The following LRBA variants were observed in gnomAD, a reference collection of about 807,000 sequenced individuals.
The protein encoded by LRBA is lipopolysaccharide-responsive and beige-like anchor protein.
LRBA carries 176 observed loss-of-function variants against 330.0 expected under a neutral mutation model. That is an observed-to-expected ratio of 0.53 (90% CI 0.47 to 0.60). LRBA has a LOEUF of 0.60. Ranked by LOEUF, LRBA falls within the 20% of genes least tolerant of loss-of-function variation. The pLI, the probability that LRBA is intolerant of heterozygous loss-of-function variation, is 0.00. For missense variants in LRBA, 3,259 were observed against 3,444.8 expected (o/e 0.95, Z 1.35); for synonymous variants, 1,230 against 1,193.0 (o/e 1.03, Z -0.64).
intron 51 of LRBA, among the ~76,000 whole-genome samples, chr4:150,314,524 T>C (rs1731471228): frequency 6.6e-6 from 1 of 152,132 alleles, no homozygotes; most frequent in Non-Finnish European, 1.5e-5. Flanking sequence ...GGTAACTATA[T>C]AAAGGGAACA....
chr4:150,530,716 C>G (rs2152199109), intron 40 of LRBA, among the ~76,000 whole-genome samples: 1 of 152,298 alleles, frequency 6.6e-6, no homozygotes, highest in Non-Finnish European at 1.5e-5. Context: ...ACTGGAATTC[C>G]TGTTTCAGCA....
At chr4:150,873,908 G>A (rs552022016) in intron 17 of LRBA, among the ~76,000 whole-genome samples, 16 of 152,008 alleles carry the variant, frequency 1.1e-4, no homozygotes, top group Admixed American at 3.3e-4. Context: ...TGAACTAAAG[G>A]CATCCAGGTC....
chr4:150,879,290 G>A (rs890293847), intron 17 of LRBA, among the ~76,000 whole-genome samples: 2 of 151,960 alleles, frequency 1.3e-5, no homozygotes, highest in Non-Finnish European at 2.9e-5. Context: ...CAATAGATGT[G>A]GAAAAAACTT....
At chr4:150,781,909 A>AT (rs1400412982) in intron 34 of LRBA, among the ~76,000 whole-genome samples, 1 of 151,966 alleles carries the variant, frequency 6.6e-6, no homozygotes, top group Non-Finnish European at 1.5e-5. Context: ...ACTTGTTTTT[A>AT]TTTTTTTAAT....
intron 36 of LRBA, among the ~76,000 whole-genome samples, chr4:150,711,001 C>T (rs1786139018): frequency 6.6e-6 from 1 of 151,784 alleles, no homozygotes; most frequent in Admixed American, 6.6e-5. Context: ...ACCACTAATT[C>T]CCAGGAGCTA....
intron 55 of LRBA, among the ~76,000 whole-genome samples, chr4:150,280,565 A>G (rs1333048088): frequency 6.6e-6 from 1 of 152,254 alleles, no homozygotes; most frequent in Non-Finnish European, 1.5e-5. Context: ...GCTGCTAACC[A>G]AAATGCCACA....
At chr4:150,473,535 A>G (rs1195123572) in intron 42 of LRBA, among the ~76,000 whole-genome samples, 1 of 152,160 alleles carries the variant, frequency 6.6e-6, no homozygotes, top group Non-Finnish European at 1.5e-5. Context: ...ACTGAATACA[A>G]TGAGAAGGAG....
chr4:150,799,101 C>G (rs1741213320), intron 33 of LRBA, among the ~76,000 whole-genome samples: 1 of 152,026 alleles, frequency 6.6e-6, no homozygotes. Context: ...TGCTTCCAAC[C>G]TAATGATAGC....
intron 2 of LRBA, among the ~76,000 whole-genome samples, chr4:150,970,414 C>T (rs577821719): frequency 1.1e-3 from 174 of 151,798 alleles, no homozygotes; most frequent in Middle Eastern, 0.01. Context: ...GTGGGAGGAT[C>T]GCTTAAGCCC....
chr4:150,961,547 T>A (rs1402174671), intron 2 of LRBA, among the ~76,000 whole-genome samples: 1 of 149,310 alleles, frequency 6.7e-6, no homozygotes, highest in East Asian at 1.9e-4. Flanking sequence ...ATACTATTTT[T>A]AAAAATACCA....
intron 44 of LRBA, among the ~76,000 whole-genome samples, chr4:150,447,594 C>A (rs572950330): frequency 3.5e-4 from 54 of 152,240 alleles, no homozygotes; most frequent in Admixed American, 2.9e-3. Flanking sequence ...GACTTCTCAG[C>A]CTCCCTAATC....
At chr4:150,968,699 A>G (rs757852836) in intron 2 of LRBA, among the ~76,000 whole-genome samples, 1 of 152,258 alleles carries the variant, frequency 6.6e-6, no homozygotes, top group Non-Finnish European at 1.5e-5. Context: ...GAGAAGGTAC[A>G]GCAAATTATC....
chr4:150,478,554 T>C (rs1173310997), intron 42 of LRBA, among the ~76,000 whole-genome samples: 1 of 152,180 alleles, frequency 6.6e-6, no homozygotes, highest in Non-Finnish European at 1.5e-5. Context: ...TCAGCTACAT[T>C]ATCAACATCA....
chr4:150,792,091 A>C (rs939476662), intron 34 of LRBA, among the ~76,000 whole-genome samples: 7 of 150,934 alleles, frequency 4.6e-5, no homozygotes, highest in Admixed American at 4.0e-4. Context: ...AGCAACTCAT[A>C]GTCAAAATTT....
chr4:150,932,649 C>T (rs772253520), intron 2 of LRBA, among the ~76,000 whole-genome samples: 35 of 152,212 alleles, frequency 2.3e-4, no homozygotes, highest in African/African-American at 7.0e-4. Flanking sequence ...GGTACGTTGG[C>T]GCACACCTGT....
At chr4:150,614,446 C>T (rs1330048076) in intron 37 of LRBA, among the ~76,000 whole-genome samples, 1 of 152,136 alleles carries the variant, frequency 6.6e-6, no homozygotes, top group Non-Finnish European at 1.5e-5. Flanking sequence ...GCCTTCAATA[C>T]TAATTTTTAA....
intron 46 of LRBA, among the ~76,000 whole-genome samples, chr4:150,421,510 G>T (rs1375670730): frequency 6.6e-6 from 1 of 151,860 alleles, no homozygotes; most frequent in East Asian, 1.9e-4. Context: ...GGGTGATGTA[G>T]CACATCATTA....
Position 150,302,711 on chromosome 4 carries a change from C to A in LRBA, c.7931G>T (p.Cys2644Phe). Reference sequence around the variant, plus strand: ...ATCACGTGACCCTGAGAGAATGTAGCAATTTCCCCCAATATATGACTCAGA... The same window carrying A: ...ATCACGTGACCCTGAGAGAATGTAGAAATTTCCCCCAATATATGACTCAGA... Reference protein sequence around the residue: ...ARSESYIGGNCYILSGSRDAT... With the variant: ...ARSESYIGGNFYILSGSRDAT... The change falls in exon 53 of 57, where the codon TGC becomes TTC. Residue 2644 changes from cysteine (C) to phenylalanine (F), a missense_variant. Coordinates refer to ENST00000651943, the MANE Select transcript of LRBA (RefSeq NM_001364905.1). The A allele has an allele frequency of 6.2e-7, 1 of 1,612,874 alleles. No individual in the cohort carries two copies. Among genetic ancestry groups the A allele is most frequent in the South Asian group, 1.1e-5 (1 of 90,884 alleles).
At chr4:150,934,875 A>T (rs1306758473) in intron 2 of LRBA, among the ~76,000 whole-genome samples, 1 of 151,912 alleles carries the variant, frequency 6.6e-6, no homozygotes, top group African/African-American at 2.4e-5. Flanking sequence ...GGGCATGGTG[A>T]CACATGCCTG....
Sources: allele counts gnomAD v4.1 joint callset (sites outside exome capture counted in the v4.1 genomes callset), GRCh38; gene constraint gnomAD v4.1.1; transcripts MANE v1.5; gene names NCBI Gene and HGNC (gene_info 2026-07-23, HGNC 2026-07-21).